Variants in NDUFAF6 observed in about 807,000 individuals in gnomAD.
NDUFAF6 encodes the protein NADH dehydrogenase (ubiquinone) complex I, assembly factor 6.
NDUFAF6 carries 45 observed loss-of-function variants against 40.8 expected under a neutral mutation model. That is an observed-to-expected ratio of 1.10 (90% CI 0.87 to 1.42). NDUFAF6 has a LOEUF of 1.42. Among genes scored for constraint, NDUFAF6 ranks in the 40% most tolerant of loss-of-function variants. NDUFAF6 has a pLI of 0.00. For missense variants in NDUFAF6, 435 were observed against 418.5 expected (o/e 1.04, Z -0.34); for synonymous variants, 185 against 155.9 (o/e 1.19, Z -1.39).
intron 1 of NDUFAF6, chr8:94,928,476 A>G (rs953691327): frequency 3.9e-5 from 6 of 152,580 alleles, no homozygotes; most frequent in Admixed American, 6.5e-5. Flanking sequence ...CATGGAAACT[A>G]TCTTATCTCC....
At chr8:95,097,419 C>T (rs1423041202), upstream of NDUFAF6, among the ~76,000 whole-genome samples, 1 of 152,214 alleles carries the variant, frequency 6.6e-6, no homozygotes, top group Non-Finnish European at 1.5e-5. Context: ...TACTGTTGGC[C>T]GGGCGCAGCG....
At chr8:95,007,010 A>G (rs1474369999) in intron 2 of NDUFAF6, among the ~76,000 whole-genome samples, 1 of 151,504 alleles carries the variant, frequency 6.6e-6, no homozygotes, top group Non-Finnish European at 1.5e-5. Flanking sequence ...AAAAAAAAGC[A>G]TACGTTGAAT....
intron 5 of NDUFAF6, among the ~76,000 whole-genome samples, chr8:95,116,020 C>T (rs1810126441): frequency 6.6e-6 from 1 of 152,090 alleles, no homozygotes; most frequent in Admixed American, 6.6e-5. Context: ...TGTCTGTAAT[C>T]CCAGCTATTC....
chr8:95,045,168 A>G (rs761713886), intron 4 of NDUFAF6, among the ~76,000 whole-genome samples: 5 of 152,226 alleles, frequency 3.3e-5, no homozygotes, highest in African/African-American at 1.2e-4. Flanking sequence ...TTAATTCCTT[A>G]TCTCTTGGAG....
intron 9 of NDUFAF6, among the ~76,000 whole-genome samples, chr8:95,073,380 C>G (rs192442738): frequency 1.3e-5 from 2 of 152,312 alleles, no homozygotes; most frequent in Non-Finnish European, 2.9e-5. Flanking sequence ...AAGATGAGGC[C>G]GAGTAGGCAG....
intron 2 of NDUFAF6, among the ~76,000 whole-genome samples, chr8:95,003,507 G>C (rs1023173563): frequency 6.6e-6 from 1 of 152,160 alleles, no homozygotes; most frequent in Non-Finnish European, 1.5e-5. Context: ...GGTCTAAAAT[G>C]CTATTAGAGA....
chr8:95,105,262 C>T (rs1340941353), downstream of NDUFAF6, among the ~76,000 whole-genome samples: 1 of 152,202 alleles, frequency 6.6e-6, no homozygotes, highest in Non-Finnish European at 1.5e-5. Context: ...CTGACCAAGA[C>T]AGCTGGCCAT....
intron 6 of NDUFAF6, among the ~76,000 whole-genome samples, chr8:95,048,147 T>C (rs1831020727): frequency 6.6e-6 from 1 of 152,160 alleles, no homozygotes; most frequent in African/African-American, 2.4e-5. Flanking sequence ...TGAGCCATGA[T>C]TGCACCACTG....
chr8:94,990,008 G>A (rs150906595), intron 2 of NDUFAF6, among the ~76,000 whole-genome samples: 228 of 152,316 alleles, frequency 1.5e-3, no homozygotes, highest in African/African-American at 5.2e-3. Context: ...GGGATTACAG[G>A]TGTGAGCCAC....
chr8:94,982,697 G>C (rs1428675798), intron 2 of NDUFAF6, among the ~76,000 whole-genome samples: 2 of 152,184 alleles, frequency 1.3e-5, no homozygotes, highest in Non-Finnish European at 2.9e-5. Flanking sequence ...CATTACATTT[G>C]TTCAGTCAGC....
chr8:94,930,205 A>C, intron 1 of NDUFAF6: 1 of 374,514 alleles, frequency 2.7e-6, no homozygotes, highest in Non-Finnish European at 4.8e-6. Context: ...ATAACCTAAT[A>C]TATTTAAAGA....
chr8:95,114,102 C>T (rs992482017), intron 4 of NDUFAF6, among the ~76,000 whole-genome samples: 2 of 151,688 alleles, frequency 1.3e-5, no homozygotes, highest in Non-Finnish European at 2.9e-5. Flanking sequence ...CACATGTATA[C>T]GTATGTAACT....
intron 1 of NDUFAF6, among the ~76,000 whole-genome samples, chr8:94,972,203 G>A (rs181179120): frequency 6.6e-6 from 1 of 152,262 alleles, no homozygotes; most frequent in East Asian, 1.9e-4. Flanking sequence ...CCATGGAGTA[G>A]CAAGGCAGAT....
At chr8:94,936,481 T>C (rs910678708) in intron 1 of NDUFAF6, among the ~76,000 whole-genome samples, 1 of 152,194 alleles carries the variant, frequency 6.6e-6, no homozygotes, top group African/African-American at 2.4e-5. Flanking sequence ...AGCATCTTGT[T>C]TGGAAGGATG....
Position 94,998,042 on chromosome 8 carries a change from CCTT to C in NDUFAF6, c.-84+17073_-84+17075del, listed in dbSNP as rs550542692. On this transcript the variant is annotated intron_variant, in intron 2 of 9. Coordinates refer to the NDUFAF6 transcript ENST00000396111. ...TTGAGTTAGAGGGAATGCATCTTCT[CCTT>C]CTTGCTCTCAATCGGAGAAAGACTA... Among the ~76,000 whole-genome samples the C allele has an allele frequency of 5.9e-5, 9 of 151,934 alleles. No homozygotes were observed. The South Asian group carries it at 1.9e-3, about 32-fold the overall frequency.
At chr8:95,036,003 C>A (rs915450256) in intron 3 of NDUFAF6, among the ~76,000 whole-genome samples, 1 of 152,172 alleles carries the variant, frequency 6.6e-6, no homozygotes, top group Non-Finnish European at 1.5e-5. Context: ...ATGTATTAAT[C>A]TTTTGTGATG....
At chr8:95,034,088 C>T (rs1829192481) in intron 2 of NDUFAF6, 1 of 457,596 alleles carries the variant, frequency 2.2e-6, no homozygotes, top group African/African-American at 2.0e-5. Context: ...CCACCCACCA[C>T]CAGGATATTT....
At chr8:94,983,258 T>C (rs1375003943) in intron 2 of NDUFAF6, among the ~76,000 whole-genome samples, 14 of 110,394 alleles carry the variant, frequency 1.3e-4, no homozygotes, top group African/African-American at 6.7e-4. Flanking sequence ...TTGCTATTCT[T>C]TTTTTTTTTT....
intron 2 of NDUFAF6, among the ~76,000 whole-genome samples, chr8:94,981,294 T>C (rs2131581538): frequency 6.6e-6 from 1 of 152,330 alleles, no homozygotes; most frequent in East Asian, 1.9e-4. Context: ...CACAGTATAA[T>C]GTGGCAGGAG....
Sources: allele counts gnomAD v4.1 joint callset (sites outside exome capture counted in the v4.1 genomes callset), GRCh38; gene constraint gnomAD v4.1.1; transcripts MANE v1.5; gene names NCBI Gene and HGNC (gene_info 2026-07-23, HGNC 2026-07-21).